The following KCNN2 variants were observed in gnomAD, a reference collection of about 807,000 sequenced individuals.
The protein encoded by KCNN2 is small conductance calcium-activated potassium channel protein 2.
A neutral mutation model predicts 55.5 loss-of-function variants in KCNN2; 24 were observed. That is an observed-to-expected ratio of 0.43 (90% CI 0.31 to 0.61). KCNN2 has a LOEUF of 0.61. KCNN2 is among the 20% of genes least tolerant of loss of function. The pLI is 0.08. For missense variants in KCNN2, 754 were observed against 853.6 expected, an observed-to-expected ratio of 0.88 and a Z score of 1.45; for synonymous variants, 431 against 336.1, an observed-to-expected ratio of 1.28 and a Z score of -3.09.
At chr5:114,244,063 T>C (rs1754699514) in intron 2 of KCNN2, among the ~76,000 whole-genome samples, 1 of 152,180 alleles carries the variant, frequency 6.6e-6, no homozygotes, top group Non-Finnish European at 1.5e-5. Flanking sequence ...TACTGATATA[T>C]GAATGCATGT....
intron 2 of KCNN2, among the ~76,000 whole-genome samples, chr5:114,291,260 A>G (rs1325652887): frequency 6.6e-6 from 1 of 152,032 alleles, no homozygotes; most frequent in African/African-American, 2.4e-5. Flanking sequence ...AAATATATAT[A>G]CATGTGCCAT....
chr5:114,069,754 C>T (rs1269559180), intron 1 of KCNN2, among the ~76,000 whole-genome samples: 1 of 152,174 alleles, frequency 6.6e-6, no homozygotes, highest in Non-Finnish European at 1.5e-5. Context: ...AGCATGGCCA[C>T]CTAATTCTCC....
At chr5:114,446,354 C>G (rs1185271425) in intron 3 of KCNN2, among the ~76,000 whole-genome samples, 7 of 152,158 alleles carry the variant, frequency 4.6e-5, no homozygotes, top group African/African-American at 1.7e-4. Context: ...ATTGAAATAG[C>G]CCTGTTATGA....
intron 1 of KCNN2, among the ~76,000 whole-genome samples, chr5:114,194,247 A>G (rs1753506570): frequency 6.6e-6 from 1 of 152,066 alleles, no homozygotes; most frequent in South Asian, 2.1e-4. Context: ...TATAGTAACT[A>G]TTTGTTTAAT....
intron 2 of KCNN2, among the ~76,000 whole-genome samples, chr5:114,247,149 T>C (rs1410044271): frequency 1.5e-5 from 1 of 64,752 alleles, no homozygotes; most frequent in Non-Finnish European, 3.1e-5. Context: ...ACTAGAAAAA[T>C]AATAATAATA....
chr5:114,070,681 G>C (rs1416975642), intron 1 of KCNN2, among the ~76,000 whole-genome samples: 2 of 152,150 alleles, frequency 1.3e-5, no homozygotes, highest in East Asian at 3.9e-4. Context: ...GGAGACAAAG[G>C]TTTAAGCCCT....
At chr5:114,110,233 A>G (rs1751570012) in intron 1 of KCNN2, among the ~76,000 whole-genome samples, 1 of 152,104 alleles carries the variant, frequency 6.6e-6, no homozygotes. Flanking sequence ...TAAGACAGGT[A>G]ACAAGCCAAT....
At chr5:114,469,404 C>T (rs1051345212) in intron 4 of KCNN2, among the ~76,000 whole-genome samples, 2 of 152,068 alleles carry the variant, frequency 1.3e-5, no homozygotes, top group Non-Finnish European at 2.9e-5. Context: ...TTTTTAAATG[C>T]CCAAGCATCT....
intron 1 of KCNN2, among the ~76,000 whole-genome samples, chr5:114,164,052 T>C (rs924161085): frequency 6.6e-6 from 1 of 152,188 alleles, no homozygotes; most frequent in Non-Finnish European, 1.5e-5. Flanking sequence ...ATTGTCAATA[T>C]GAGTGAATTG....
At chr5:114,454,510 G>T (rs926576014) in intron 3 of KCNN2, among the ~76,000 whole-genome samples, 6 of 152,206 alleles carry the variant, frequency 3.9e-5, no homozygotes, top group Non-Finnish European at 7.3e-5. Context: ...TTCCTGAGAA[G>T]TTGTCCTGTT....
At chr5:114,279,390 T>C (rs1057435375) in intron 2 of KCNN2, among the ~76,000 whole-genome samples, 9 of 152,260 alleles carry the variant, frequency 5.9e-5, no homozygotes, top group Admixed American at 4.6e-4. Context: ...CATTTTGGTG[T>C]GTTGCATCTG....
intron 1 of KCNN2, among the ~76,000 whole-genome samples, chr5:114,094,323 C>A (rs970305559): frequency 2.0e-5 from 3 of 152,126 alleles, no homozygotes; most frequent in Non-Finnish European, 4.4e-5. Flanking sequence ...CCCCACCAGA[C>A]CTGAGCATTT....
Position 114,362,963 on chromosome 5 carries a change from C to T in KCNN2, c.824C>T (p.Ala275Val), listed in dbSNP as rs758750833. 2.5e-6 allele frequency: 4 copies of T among 1,588,436 alleles called. No individual in the cohort carries two copies. The highest frequency in any genetic ancestry group is 1.1e-5 in the South Asian group (1 of 89,710). Residue 275 changes from alanine to valine, a missense_variant, in exon 1 of 8, where the codon GCC becomes GTC. Around this residue, in one of 4 missense-constraint regions of KCNN2, gnomAD observed 381 missense variants for 259.1 expected, o/e 1.47. Transcript: ENST00000673685. ...GCCGCCGCCGCTGTTTCGTCCTCAG[C>T]CCCCGAGATCGTGGTGTCTAAGCCC... ...AAAAAAVSSS[A>V]PEIVVSKPEH...
At chr5:114,240,085 A>T (rs1325883496) in intron 2 of KCNN2, among the ~76,000 whole-genome samples, 1 of 152,140 alleles carries the variant, frequency 6.6e-6, no homozygotes, top group East Asian at 1.9e-4. Flanking sequence ...AAAAGTAAGG[A>T]TCATTTTCAA....
intron 2 of KCNN2, among the ~76,000 whole-genome samples, chr5:114,281,754 G>T (rs141174997): frequency 9.2e-5 from 14 of 152,036 alleles, no homozygotes; most frequent in Non-Finnish European, 1.9e-4. Context: ...ACCTGAAGCA[G>T]GTAAAATTTT....
intron 1 of KCNN2, among the ~76,000 whole-genome samples, chr5:114,200,116 A>G (rs1195883536): frequency 6.6e-6 from 1 of 152,000 alleles, no homozygotes; most frequent in Non-Finnish European, 1.5e-5. Context: ...AAACTATTTG[A>G]TCTCTTTCTT....
intron 2 of KCNN2, among the ~76,000 whole-genome samples, chr5:114,383,464 C>CTTT (rs66787954): frequency 1.3e-3 from 137 of 102,734 alleles, no homozygotes; most frequent in Non-Finnish European, 1.6e-3. Flanking sequence ...CCACTAAATG[C>CTTT]TTTTTTTTTT....
intron 3 of KCNN2, among the ~76,000 whole-genome samples, chr5:114,421,226 C>CA (rs5870608): frequency 0.4 from 58,906 of 146,118 alleles, 11,691 homozygotes; most frequent in African/African-American, 0.46. Flanking sequence ...TGAAATTTTA[C>CA]AAAAAAAAAA....
chr5:114,417,277 A>G (rs1759334459), intron 3 of KCNN2, among the ~76,000 whole-genome samples: 1 of 152,228 alleles, frequency 6.6e-6, no homozygotes, highest in Non-Finnish European at 1.5e-5. Context: ...TTTCTGGCTT[A>G]CTACATGTCT....
Sources: gnomAD v4.1 joint callset for allele counts (sites outside exome capture counted in the v4.1 genomes callset) on GRCh38, gnomAD v4.1.1 for gene constraint, gnomAD v4.1.1 regional missense constraint, MANE v1.5 for transcripts, NCBI Gene and HGNC (gene_info 2026-07-23, HGNC 2026-07-21) for gene names.